SPATS2L: variants seen among roughly 807,000 people sequenced by gnomAD.
The protein encoded by SPATS2L is spermatogenesis associated serine rich 2 like.
SPATS2L carries 30 observed loss-of-function variants against 59.6 expected under a neutral mutation model. That is an observed-to-expected ratio of 0.50 (90% confidence interval 0.38 to 0.68). The LOEUF (loss-of-function observed/expected upper bound fraction) is 0.68, where lower values mean the gene tolerates loss of function less well. SPATS2L is among the 30% of genes least tolerant of loss of function. The pLI is 0.00. For missense variants in SPATS2L, 615 were observed against 700.0 expected (o/e 0.88, Z 1.37); for synonymous variants, 252 against 263.5 (o/e 0.96, Z 0.42).
At chr2:200,384,977 G>A in intron 2 of SPATS2L, among the ~76,000 whole-genome samples, 1 of 152,140 alleles carries the variant, frequency 6.6e-6, no homozygotes, top group East Asian at 1.9e-4. Flanking sequence ...TGTATTCGTG[G>A]ACTTGAATAG....
rs868498201 is a variant in SPATS2L, at chr2:200,329,485, G to A, written c.-23+5G>A. 5.2e-6 allele frequency: 8 copies of A among 1,550,048 alleles called. 1 individual carries two copies. The Middle Eastern group carries it at 1.3e-3, about 259-fold the overall frequency. ...AACATTGCTGTGGATTCCCAGGTGA[G>A]TAGAGATGGTCCTTCCCTCTCTGTG... On this transcript the variant is annotated splice_donor_5th_base_variant and intron_variant, in intron 2 of 12. Transcript: ENST00000409140.
intron 12 of SPATS2L, 98 bp downstream of exon 12, chr2:200,473,150 G>A (rs1032044462): frequency 7.4e-6 from 9 of 1,209,792 alleles, no homozygotes; most frequent in African/African-American, 1.5e-5. Context: ...GCCTCCTGGG[G>A]TCACACTCAG....
At chr2:200,308,943 T>C in intron 1 of SPATS2L, 1 of 674,600 alleles carries the variant, frequency 1.5e-6, no homozygotes, top group South Asian at 1.6e-5. Flanking sequence ...CTGATTTTCC[T>C]GAGGCCATTG....
Position 200,394,649 on chromosome 2 carries a change from T to C in SPATS2L, c.39+5366T>C, listed in dbSNP as rs549905439. Among the ~76,000 whole-genome samples, 4 of 152,324 alleles carry C rather than the reference T, an allele frequency of 2.6e-5. No homozygotes were observed. The East Asian group carries it at 5.8e-4, about 22-fold the overall frequency. On this transcript the variant is annotated intron_variant, in intron 3 of 12. Transcript: ENST00000409140. ...AGTTCTTTAGAGACTTCATTTCCCATTTACGATGTTTTGCAAAATCTCAAG... is the reference window on the plus strand; with the variant it reads ...AGTTCTTTAGAGACTTCATTTCCCACTTACGATGTTTTGCAAAATCTCAAG...
intron 2 of SPATS2L, chr2:200,371,992 C>G (rs758420291): frequency 1.0e-6 from 1 of 982,522 alleles, no homozygotes; most frequent in Admixed American, 6.1e-5. Context: ...AAGAAAGGCT[C>G]TTTCCATCAC....
intron 1 of SPATS2L, among the ~76,000 whole-genome samples, chr2:200,325,040 T>G (rs778565314): frequency 6.6e-6 from 1 of 152,192 alleles, no homozygotes; most frequent in Non-Finnish European, 1.5e-5. Flanking sequence ...GTTGAGAATA[T>G]ATATTTTATC....
intron 3 of SPATS2L, among the ~76,000 whole-genome samples, chr2:200,404,729 A>G (rs1020526244): frequency 6.6e-6 from 1 of 152,218 alleles, no homozygotes; most frequent in African/African-American, 2.4e-5. Flanking sequence ...TCTGGAGGTC[A>G]GAAGTCCGAA....
intron 2 of SPATS2L, among the ~76,000 whole-genome samples, chr2:200,333,965 A>T (rs910621730): frequency 6.6e-6 from 1 of 152,106 alleles, no homozygotes; most frequent in South Asian, 2.1e-4. Context: ...ATAAACATAC[A>T]TGTGCATGTG....
rs550061824 is a variant in SPATS2L at position 200,340,885 on chromosome 2, C to T, written c.-23+11405C>T. Among the ~76,000 whole-genome samples, 5 of 152,298 alleles carry T rather than the reference C, an allele frequency of 3.3e-5. No individual in the cohort carries two copies. In the South Asian group the frequency reaches 1.0e-3, roughly 32 times the overall value. The stretch of plus-strand genomic sequence containing the variant: ...CCTTTTTGAGCCATTTTATCCAATT[C>T]AGTGTTTTCTTTTATCATGTATTTT... On this transcript the variant is annotated intron_variant, in intron 2 of 12. Coordinates refer to ENST00000409140, the MANE Select transcript of SPATS2L (RefSeq NM_001100423.2).
At chr2:200,426,248 A>G (rs2083574405) in intron 6 of SPATS2L, among the ~76,000 whole-genome samples, 1 of 151,306 alleles carries the variant, frequency 6.6e-6, no homozygotes, top group Non-Finnish European at 1.5e-5. Flanking sequence ...ATGCCACCAT[A>G]CCCAGCTAAT....
chr2:200,375,952 G>A (rs575939490), intron 2 of SPATS2L, among the ~76,000 whole-genome samples: 153 of 152,266 alleles, frequency 1.0e-3, no homozygotes, highest in African/African-American at 3.6e-3. Context: ...TAAAAGGGTG[G>A]CATTTAAAGT....
chr2:200,346,716 G>A (rs1315986625), intron 2 of SPATS2L, among the ~76,000 whole-genome samples: 6 of 152,030 alleles, frequency 3.9e-5, no homozygotes, highest in African/African-American at 1.5e-4. Context: ...TATCCCCTGA[G>A]AACTAAATGT....
At chr2:200,435,157 C>T (rs2084194697) in intron 6 of SPATS2L, among the ~76,000 whole-genome samples, 1 of 152,096 alleles carries the variant, frequency 6.6e-6, no homozygotes, top group South Asian at 2.1e-4. Context: ...ATTAATAAAC[C>T]AGAGCTGATA....
intron 2 of SPATS2L, among the ~76,000 whole-genome samples, chr2:200,361,459 TA>T (rs1454809013): frequency 3.3e-5 from 5 of 152,166 alleles, no homozygotes; most frequent in African/African-American, 9.6e-5. Context: ...TCTATCCAAT[TA>T]AAAAAATATC....
chr2:200,313,164 C>T (rs1257446313), intron 1 of SPATS2L, among the ~76,000 whole-genome samples: 1 of 152,134 alleles, frequency 6.6e-6, no homozygotes, highest in Non-Finnish European at 1.5e-5. Flanking sequence ...TATCGGTCTG[C>T]ACAGAAACCA....
chr2:200,440,667 C>T lies in SPATS2L; in HGVS notation c.671C>T (p.Ser224Leu). 7 of 1,612,570 alleles carry T rather than the reference C, an allele frequency of 4.3e-6. No individual in the cohort carries two copies. The highest frequency in any genetic ancestry group is 5.9e-6 in the Non-Finnish European group (7 of 1,179,118). Residue 224 changes from serine to leucine, a missense_variant, in exon 8 of 13, where the codon TCA (serine) becomes TTA (leucine). Physicochemically the swap from Ser to Leu is moderately radical, Grantham distance 145. Around this residue, in one of 3 missense-constraint regions of SPATS2L, gnomAD observed 104 missense variants for 162.5 expected, o/e 0.64. Coordinates refer to ENST00000409140, the MANE Select transcript of SPATS2L (RefSeq NM_001100423.2). Reference protein sequence around the residue: ...AKKRGPNIEKSVKDLQRCTVS... With the variant: ...AKKRGPNIEKLVKDLQRCTVS... Reference sequence around the variant, plus strand: ...ATTTTAGGCCCAAATATTGAGAAATCAGTGAAGGATTTGCAACGCTGCACC... The same window carrying T: ...ATTTTAGGCCCAAATATTGAGAAATTAGTGAAGGATTTGCAACGCTGCACC...
intron 1 of SPATS2L, among the ~76,000 whole-genome samples, chr2:200,318,033 C>T (rs1021638327): frequency 6.6e-6 from 1 of 152,130 alleles, no homozygotes; most frequent in Non-Finnish European, 1.5e-5. Context: ...CAATATTGTT[C>T]TCAGTGTGGG....
intron 9 of SPATS2L, among the ~76,000 whole-genome samples, chr2:200,462,848 C>T (rs1472125680): frequency 1.3e-5 from 2 of 152,078 alleles, no homozygotes; most frequent in East Asian, 1.9e-4. Flanking sequence ...ATCACTTGAA[C>T]TCAGGAGTTT....
intron 2 of SPATS2L, among the ~76,000 whole-genome samples, chr2:200,334,495 C>T (rs2080070638): frequency 6.7e-6 from 1 of 149,160 alleles, no homozygotes; most frequent in South Asian, 2.1e-4. Context: ...TTTTGCTGTG[C>T]AGAAGAAGCT....
Sources: allele counts gnomAD v4.1 joint callset (sites outside exome capture counted in the v4.1 genomes callset), GRCh38; gene constraint gnomAD v4.1.1; regional missense constraint gnomAD v4.1.1; transcripts MANE v1.5; gene names NCBI Gene and HGNC (gene_info 2026-07-23, HGNC 2026-07-21).